SNX29: variants seen among roughly 807,000 people sequenced by gnomAD.
The protein encoded by SNX29 is sorting nexin 29, also known as sorting nexin-29.
SNX29 carries 78 observed loss-of-function variants against 102.1 expected under a neutral mutation model. The observed-to-expected ratio is 0.76, with a 90% CI of 0.64 to 0.92. The LOEUF is 0.92. Among genes scored for constraint, SNX29 ranks in the 40% least tolerant of loss-of-function variants. SNX29 has a pLI of 0.00. For synonymous variants in SNX29, 580 were observed against 414.5 expected, an observed-to-expected ratio of 1.40 and a Z score of -4.85; for missense variants, 1,280 against 1,061.7, an observed-to-expected ratio of 1.21 and a Z score of -2.86.
intron 1 of SNX29, among the ~76,000 whole-genome samples, chr16:11,988,182 T>C (rs1172075881): frequency 1.3e-5 from 2 of 151,258 alleles, no homozygotes; most frequent in Non-Finnish European, 2.9e-5. Flanking sequence ...TAATCCCAGC[T>C]ACTCAGGAGG....
At chr16:12,488,003 A>AG (rs955967856) in intron 19 of SNX29, among the ~76,000 whole-genome samples, 3 of 152,194 alleles carry the variant, frequency 2.0e-5, no homozygotes, top group African/African-American at 7.2e-5. Flanking sequence ...CAGAAAAAAA[A>AG]CATCTCAGGG....
In SNX29 at chr16:12,534,364, C is replaced by G. The variant is rs567567560; in HGVS notation, c.2318+9523C>G. On this transcript the variant is annotated intron_variant, in intron 20 of 20. Coordinates refer to ENST00000566228, the MANE Select transcript of SNX29 (RefSeq NM_032167.5). ...TGGTCTTTGGAGAGGTTTCCTGCAC[C>G]TCTCACACCTTCTCTGTGGCAGCTT... 1.2e-3 allele frequency among the ~76,000 whole-genome samples: 183 copies of G among 152,358 alleles called. 2 individuals are homozygous for G. The highest frequency in any genetic ancestry group is 2.3e-3 in the Non-Finnish European group (159 of 68,034).
chr16:11,983,694 T>G, intron 1 of SNX29: 1 of 985,426 alleles, frequency 1.0e-6, no homozygotes, highest in Non-Finnish European at 1.2e-6. Context: ...TCTTGCCTCC[T>G]GGTTGCTTGA....
intron 4 of SNX29, among the ~76,000 whole-genome samples, chr16:12,036,275 G>C (rs540386920): frequency 6.6e-6 from 1 of 151,188 alleles, no homozygotes; most frequent in East Asian, 1.9e-4. Context: ...TTTTTTTAGA[G>C]ATGGGTTCTT....
intron 11 of SNX29, among the ~76,000 whole-genome samples, chr16:12,114,146 C>T (rs1167776231): frequency 6.6e-6 from 1 of 152,202 alleles, no homozygotes; most frequent in Non-Finnish European, 1.5e-5. Flanking sequence ...TTCCACATAG[C>T]ATATGAGCTG....
chr16:12,056,527 C>T (rs1278658755), intron 8 of SNX29, among the ~76,000 whole-genome samples: 1 of 152,172 alleles, frequency 6.6e-6, no homozygotes. Context: ...GGGGCTGGTG[C>T]ACAGCAGATG....
intron 13 of SNX29, among the ~76,000 whole-genome samples, chr16:12,145,289 G>A (rs2055021213): frequency 6.6e-6 from 1 of 151,986 alleles, no homozygotes; most frequent in African/African-American, 2.4e-5. Flanking sequence ...TGACTGTAGC[G>A]TGATAATTAT....
At chr16:12,564,313 C>G (rs547001544) in intron 20 of SNX29, among the ~76,000 whole-genome samples, 9 of 152,326 alleles carry the variant, frequency 5.9e-5, no homozygotes, top group Admixed American at 5.2e-4. Flanking sequence ...CTAGACTTCA[C>G]TAGTGTCTCT....
At chr16:12,101,301 C>CTTTTTTTTTTTTT (rs1212782573) in intron 11 of SNX29, among the ~76,000 whole-genome samples, 2 of 118,572 alleles carry the variant, frequency 1.7e-5, no homozygotes, top group African/African-American at 7.1e-5. Context: ...CCCCCCCCAA[C>CTTTTTTTTTTTTT]TTTTTTTTTT....
chr16:12,107,338 G>C (rs375054083), intron 11 of SNX29, among the ~76,000 whole-genome samples: 2 of 137,270 alleles, frequency 1.5e-5, no homozygotes, highest in East Asian at 4.2e-4. Context: ...AGCACTGTGG[G>C]TTTTTTTTTT....
At chr16:12,452,763 T>C (rs2086363000) in intron 18 of SNX29, among the ~76,000 whole-genome samples, 1 of 151,946 alleles carries the variant, frequency 6.6e-6, no homozygotes, top group Non-Finnish European at 1.5e-5. Context: ...AGCCGGGTGG[T>C]GAAGGTGTCG....
chr16:12,549,482 G>C (rs1395537488), intron 20 of SNX29, among the ~76,000 whole-genome samples: 1 of 132,634 alleles, frequency 7.5e-6, no homozygotes, highest in African/African-American at 3.2e-5. Context: ...GCAACAGGAA[G>C]ATCCTCACAC....
At chr16:12,409,421 C>CTT (rs71139589) in intron 18 of SNX29, among the ~76,000 whole-genome samples, 1,642 of 89,634 alleles carry the variant, frequency 0.018, 14 homozygotes, top group South Asian at 0.023. Flanking sequence ...GATTCACTGT[C>CTT]TTTTTTTTTT....
chr16:12,379,306 A>G (rs2082993122), intron 16 of SNX29, among the ~76,000 whole-genome samples: 1 of 152,204 alleles, frequency 6.6e-6, no homozygotes, highest in Non-Finnish European at 1.5e-5. Flanking sequence ...TTTTTTGTAG[A>G]GTTGGGGGTC....
chr16:12,395,465 C>T (rs918620894), intron 16 of SNX29, among the ~76,000 whole-genome samples: 6 of 152,366 alleles, frequency 3.9e-5, no homozygotes, highest in African/African-American at 1.4e-4. Flanking sequence ...GTGTTTGCTC[C>T]AGCATGATTC....
At chr16:12,048,265 T>C (rs1178882926) in intron 6 of SNX29, 107 bp from the exon 7 acceptor site, 4 of 1,527,072 alleles carry the variant, frequency 2.6e-6, no homozygotes, top group Non-Finnish European at 3.6e-6. Flanking sequence ...CTATTTAAGA[T>C]CAACGTGCCT....
chr16:12,216,048 C>A (rs958487647), intron 14 of SNX29, among the ~76,000 whole-genome samples: 2 of 152,100 alleles, frequency 1.3e-5, no homozygotes, highest in Non-Finnish European at 2.9e-5. Flanking sequence ...AAGCAGCCTG[C>A]GGAGCTCATC....
In SNX29 at chr16:12,570,248, G is replaced by T; in HGVS notation, c.*1619G>T. On this transcript the variant is annotated 3_prime_UTR_variant, in exon 21 of 21. Transcript: ENST00000566228. ...GCCCTGCCCCGGTGAGACCAAATGA[G>T]CTGGAGCATGTATGGAGGTGCGGAC... The T allele has an allele frequency of 1.9e-6, 2 of 1,065,200 alleles. No individual in the cohort carries two copies. Among genetic ancestry groups the T allele is most frequent in the South Asian group, 9.1e-5 (2 of 21,954 alleles). The allele number at this position is 1,065,200 out of a possible 1,614,324, so 66.0% of individuals were successfully genotyped here.
chr16:12,272,231 G>C (rs1379409753), intron 14 of SNX29, among the ~76,000 whole-genome samples: 3 of 151,744 alleles, frequency 2.0e-5, no homozygotes, highest in African/African-American at 7.3e-5. Context: ...AGGGGCTGGT[G>C]CCTTGGGGAC....
Sources: gnomAD v4.1 joint callset for allele counts (sites outside exome capture counted in the v4.1 genomes callset) on GRCh38, gnomAD v4.1.1 for gene constraint, MANE v1.5 for transcripts, NCBI Gene and HGNC (gene_info 2026-07-23, HGNC 2026-07-21) for gene names.